The following PTPRM variants were observed in gnomAD, a reference collection of about 807,000 sequenced individuals.
PTPRM encodes receptor-type tyrosine-protein phosphatase mu.
Under a neutral mutation model 186.7 loss-of-function variants are expected in PTPRM, and 47 were observed. The ratio of observed to expected loss-of-function variants is 0.25; its 90% CI spans 0.20 to 0.32. PTPRM has a LOEUF of 0.32. PTPRM is among the 10% of genes least tolerant of loss of function. PTPRM has a pLI of 1.00. For synonymous variants in PTPRM, 668 were observed against 674.9 expected (o/e 0.99, Z 0.16); for missense variants, 1,494 against 1,865.0 (o/e 0.80, Z 3.66).
rs1002881351 is a variant in PTPRM, at chr18:8,372,196, C to T, written c.3171+1190C>T. On this transcript the variant is annotated intron_variant, in intron 24 of 32. Transcript: ENST00000580170. ...ACGCCATTCTCCTGCCTCAGCCTCC[C>T]GAGTAGCTGGGACTACAGGCGCCCG... Among the ~76,000 whole-genome samples the T allele has an allele frequency of 2.6e-3, 386 of 147,192 alleles. 13 individuals are homozygous for T. Among genetic ancestry groups the T allele is most frequent in the African/African-American group, 9.3e-3 (370 of 39,864 alleles).
intron 3 of PTPRM, among the ~76,000 whole-genome samples, chr18:7,890,644 A>C (rs1469539903): frequency 6.6e-6 from 1 of 152,216 alleles, no homozygotes; most frequent in African/African-American, 2.4e-5. Flanking sequence ...AGATATGCTT[A>C]AATCTAGCAG....
At chr18:7,979,038 A>G (rs2055154303) in intron 7 of PTPRM, among the ~76,000 whole-genome samples, 2 of 152,158 alleles carry the variant, frequency 1.3e-5, no homozygotes, top group African/African-American at 4.8e-5. Context: ...GACCTTATCT[A>G]TAAGCTGGGT....
At position 7,952,047 on chromosome 18, in the gene PTPRM, TA is replaced by T. The variant is rs554505761; in HGVS notation, c.838+2697del. Among the ~76,000 whole-genome samples the T allele has an allele frequency of 2.0e-5, 3 of 152,292 alleles. No homozygotes were observed. In the South Asian group the frequency reaches 6.2e-4, roughly 32 times the overall value. On this transcript the variant is annotated intron_variant, in intron 6 of 32. Coordinates refer to ENST00000580170, the MANE Select transcript of PTPRM (RefSeq NM_001105244.2). ...TAGCCACTTTTGATAACCAAGGACA[TA>T]AAAATATTTCATATAATCTCCACAA...
chr18:8,225,635 G>C (rs897210008), intron 14 of PTPRM, among the ~76,000 whole-genome samples: 3 of 152,174 alleles, frequency 2.0e-5, no homozygotes, highest in African/African-American at 7.2e-5. Flanking sequence ...TAGCCCTGCT[G>C]TCTGCTTACC....
chr18:8,352,668 T>TTTTC, intron 23 of PTPRM, among the ~76,000 whole-genome samples: 2 of 150,070 alleles, frequency 1.3e-5, no homozygotes, highest in Non-Finnish European at 3.0e-5. Context: ...TTTTGTTTGT[T>TTTTC]TGTTTGTTTG....
intron 2 of PTPRM, among the ~76,000 whole-genome samples, chr18:7,864,306 C>A (rs1302292070): frequency 6.6e-6 from 1 of 152,164 alleles, no homozygotes; most frequent in African/African-American, 2.4e-5. Context: ...ACTAGGTTTT[C>A]TTCTAGGATT....
chr18:7,933,974 C>A (rs1476148909), intron 5 of PTPRM, among the ~76,000 whole-genome samples: 2 of 152,060 alleles, frequency 1.3e-5, no homozygotes, highest in South Asian at 2.1e-4. Flanking sequence ...TTTCTTGTAC[C>A]CTTTGCCTAG....
chr18:8,307,101 T>A (rs2095229927), intron 20 of PTPRM, among the ~76,000 whole-genome samples: 1 of 152,204 alleles, frequency 6.6e-6, no homozygotes, highest in African/African-American at 2.4e-5. Context: ...ATCTGCAGTT[T>A]CTGTGCCAAG....
At chr18:8,224,597 A>G (rs1026275553) in intron 14 of PTPRM, among the ~76,000 whole-genome samples, 1 of 152,220 alleles carries the variant, frequency 6.6e-6, no homozygotes, top group Non-Finnish European at 1.5e-5. Flanking sequence ...AAAATGAATA[A>G]AAGTAACAGA....
chr18:8,145,072 C>T (rs769350924), intron 14 of PTPRM, among the ~76,000 whole-genome samples: 3 of 152,000 alleles, frequency 2.0e-5, no homozygotes, highest in Admixed American at 2.0e-4. Flanking sequence ...TAGGATTGGA[C>T]ACAGTGAGGA....
Position 8,217,471 on chromosome 18 carries a change from T to C in PTPRM, c.2301-26587T>C, listed in dbSNP as rs577756656. Among the ~76,000 whole-genome samples the C allele has an allele frequency of 3.3e-5, 5 of 152,340 alleles. 1 individual carries two copies. In the South Asian group the frequency reaches 1.0e-3, roughly 32 times the overall value. The stretch of plus-strand genomic sequence containing the variant: ...TTCCTAGTATACAAATTCGTTACAT[T>C]ACTGGTAATTCCCAGCTAGCTTCCT... On this transcript the variant is annotated intron_variant, in intron 14 of 32. Coordinates refer to ENST00000580170, the MANE Select transcript of PTPRM (RefSeq NM_001105244.2).
chr18:8,182,566 G>A (rs2093590257), intron 14 of PTPRM, among the ~76,000 whole-genome samples: 4 of 152,166 alleles, frequency 2.6e-5, no homozygotes, highest in Admixed American at 2.0e-4. Context: ...GGACTTTTCA[G>A]ATATATAGAT....
intron 14 of PTPRM, among the ~76,000 whole-genome samples, chr18:8,190,040 T>C (rs546123050): frequency 6.7e-4 from 102 of 152,340 alleles, no homozygotes; most frequent in African/African-American, 2.4e-3. Context: ...CAACTATATA[T>C]ATTTATGGTG....
At chr18:7,593,161 T>C (rs2037169766) in intron 1 of PTPRM, among the ~76,000 whole-genome samples, 1 of 152,204 alleles carries the variant, frequency 6.6e-6, no homozygotes, top group Non-Finnish European at 1.5e-5. Context: ...CTTTGCTTTT[T>C]CCCCCTTAAT....
At chr18:8,027,052 CAAAT>C (rs1191067230) in intron 7 of PTPRM, among the ~76,000 whole-genome samples, 11 of 152,104 alleles carry the variant, frequency 7.2e-5, no homozygotes, top group African/African-American at 2.2e-4. Context: ...TATTAGGACA[CAAAT>C]AGATATCCAT....
At chr18:7,583,879 AGACCTTT>A (rs1313853883) in intron 1 of PTPRM, among the ~76,000 whole-genome samples, 2 of 152,220 alleles carry the variant, frequency 1.3e-5, no homozygotes, top group African/African-American at 2.4e-5. Flanking sequence ...CAATAATTTA[AGACCTTT>A]GACTTCAAGT....
intron 13 of PTPRM, among the ~76,000 whole-genome samples, chr18:8,127,293 G>C (rs1175744402): frequency 6.6e-6 from 1 of 152,038 alleles, no homozygotes. Flanking sequence ...TAAGGGACAG[G>C]GTCAGCCATA....
intron 1 of PTPRM, among the ~76,000 whole-genome samples, chr18:7,719,286 A>G (rs1219889824): frequency 6.6e-6 from 1 of 151,944 alleles, no homozygotes; most frequent in Non-Finnish European, 1.5e-5. Flanking sequence ...GAAGTAACTC[A>G]GGAATGGAAA....
At chr18:7,605,312 A>C (rs1294771778) in intron 1 of PTPRM, among the ~76,000 whole-genome samples, 1 of 152,172 alleles carries the variant, frequency 6.6e-6, no homozygotes, top group Non-Finnish European at 1.5e-5. Context: ...GTATTAATAA[A>C]TATTGTGAAG....
Sources: allele counts gnomAD v4.1 joint callset (sites outside exome capture counted in the v4.1 genomes callset), GRCh38; gene constraint gnomAD v4.1.1; transcripts MANE v1.5; gene names NCBI Gene and HGNC (gene_info 2026-07-23, HGNC 2026-07-21).